Variants in MYO3B observed in about 807,000 individuals in gnomAD.
MYO3B encodes the protein myosin-IIIb.
A neutral mutation model predicts 174.6 loss-of-function variants in MYO3B; 156 were observed. The observed-to-expected ratio is 0.89, with a 90% confidence interval of 0.78 to 1.02. The LOEUF is 1.02. MYO3B is among the 50% of genes least tolerant of loss of function. MYO3B has a pLI of 0.00. For missense variants in MYO3B, 1,632 were observed against 1,639.4 expected (o/e 1.00, Z 0.08); for synonymous variants, 563 against 569.1 (o/e 0.99, Z 0.15).
intron 22 of MYO3B, among the ~76,000 whole-genome samples, chr2:170,436,669 C>T (rs2094756666): frequency 6.6e-6 from 1 of 152,192 alleles, no homozygotes; most frequent in South Asian, 2.1e-4. Context: ...AATCAAATGA[C>T]ACTGTAGGTA....
intron 7 of MYO3B, among the ~76,000 whole-genome samples, chr2:170,242,307 T>C (rs955359868): frequency 1.3e-5 from 2 of 152,164 alleles, no homozygotes; most frequent in South Asian, 4.1e-4. Flanking sequence ...GTTTTATGTA[T>C]CTTTTTCTTT....
intron 3 of MYO3B, among the ~76,000 whole-genome samples, chr2:170,209,661 A>G (rs1321063218): frequency 6.6e-6 from 1 of 152,210 alleles, no homozygotes; most frequent in Non-Finnish European, 1.5e-5. Flanking sequence ...GAATAAAAAA[A>G]TTGCCCAGGG....
At chr2:170,572,578 G>A (rs1208156571) in intron 32 of MYO3B, among the ~76,000 whole-genome samples, 7 of 147,426 alleles carry the variant, frequency 4.7e-5, no homozygotes, top group African/African-American at 1.7e-4. Flanking sequence ...TTGCACCACT[G>A]CACTCCAGCC....
At chr2:170,341,214 C>T (rs1425475583) in intron 8 of MYO3B, 4 of 152,222 alleles carry the variant, frequency 2.6e-5, no homozygotes, top group Non-Finnish European at 5.9e-5. Flanking sequence ...GTTTGCTTGA[C>T]ATTGATTGTA....
chr2:170,264,698 C>T (rs1294858827), intron 7 of MYO3B, among the ~76,000 whole-genome samples: 2 of 151,962 alleles, frequency 1.3e-5, no homozygotes, highest in Admixed American at 6.6e-5. Flanking sequence ...AGTAGTTGCT[C>T]AATAAATAAT....
intron 7 of MYO3B, among the ~76,000 whole-genome samples, chr2:170,273,338 C>G (rs1043229459): frequency 6.6e-6 from 1 of 152,206 alleles, no homozygotes; most frequent in African/African-American, 2.4e-5. Context: ...TGCTGAGACC[C>G]TGGGTCCTTG....
Position 170,299,157 on chromosome 2 carries a change from C to T in MYO3B, c.750-36228C>T, listed in dbSNP as rs972778174. Among the ~76,000 whole-genome samples the T allele has an allele frequency of 3.3e-5, 5 of 152,258 alleles. No homozygotes were observed. The South Asian group carries it at 8.3e-4, about 25-fold the overall frequency. On this transcript the variant is annotated intron_variant, in intron 7 of 34. Coordinates refer to ENST00000408978, the MANE Select transcript of MYO3B (RefSeq NM_138995.5). Reference sequence around the variant, plus strand: ...GCTTTGGAACAACACTACTATTTTTCATTTATCTATTGCTTCCCCTACTAG... The same window carrying T: ...GCTTTGGAACAACACTACTATTTTTTATTTATCTATTGCTTCCCCTACTAG...
chr2:170,411,579 G>A (rs1382707512), intron 22 of MYO3B: 1 of 152,238 alleles, frequency 6.6e-6, no homozygotes, highest in African/African-American at 2.4e-5. Flanking sequence ...CATGGCGCAT[G>A]ACACTACTGG....
chr2:170,468,908 C>G (rs1409223674), intron 25 of MYO3B, among the ~76,000 whole-genome samples: 1 of 152,036 alleles, frequency 6.6e-6, no homozygotes, highest in East Asian at 1.9e-4. Context: ...CACCTGTAAT[C>G]CTAGCACTTT....
chr2:170,642,101 A>G (rs1698016872), intron 32 of MYO3B, among the ~76,000 whole-genome samples: 1 of 152,100 alleles, frequency 6.6e-6, no homozygotes, highest in Non-Finnish European at 1.5e-5. Flanking sequence ...CTGGACAAAA[A>G]CATCCCAATT....
At chr2:170,549,217 A>ATACCTCACCTAAGAGG (rs1288362458) in intron 32 of MYO3B, among the ~76,000 whole-genome samples, 5 of 152,190 alleles carry the variant, frequency 3.3e-5, no homozygotes, top group Admixed American at 1.3e-4. Flanking sequence ...GTTTTCTTTT[A>ATACCTCACCTAAGAGG]TACCTCACCT....
At chr2:170,200,721 T>C (rs993557424) in intron 3 of MYO3B, among the ~76,000 whole-genome samples, 1 of 152,108 alleles carries the variant, frequency 6.6e-6, no homozygotes, top group Admixed American at 6.5e-5. Context: ...GAGAATTGTG[T>C]ATGGAAAGTT....
chr2:170,385,889 C>A (rs62170827), intron 12 of MYO3B: 13,727 of 187,922 alleles, frequency 0.073, 569 homozygotes, highest in Non-Finnish European at 0.088. Flanking sequence ...GATGAACCTG[C>A]ATAAAAATAT....
chr2:170,446,207 C>T (rs921550056), intron 23 of MYO3B, among the ~76,000 whole-genome samples: 1 of 152,192 alleles, frequency 6.6e-6, no homozygotes, highest in African/African-American at 2.4e-5. Context: ...TAGGCAAATC[C>T]TCAGATAATG....
intron 1 of MYO3B, among the ~76,000 whole-genome samples, chr2:170,190,145 G>C (rs1007213499): frequency 2.6e-5 from 4 of 152,140 alleles, no homozygotes; most frequent in Non-Finnish European, 5.9e-5. Flanking sequence ...GGAATTCTCT[G>C]GATTGCCAGG....
intron 22 of MYO3B, among the ~76,000 whole-genome samples, chr2:170,414,745 A>G (rs1402140511): frequency 6.6e-6 from 1 of 152,148 alleles, no homozygotes; most frequent in African/African-American, 2.4e-5. Context: ...ATCTTCTTTG[A>G]TTTATTTAAT....
intron 7 of MYO3B, among the ~76,000 whole-genome samples, chr2:170,253,322 A>G (rs1266100656): frequency 6.6e-6 from 1 of 152,116 alleles, no homozygotes; most frequent in African/African-American, 2.4e-5. Flanking sequence ...CTTACTGAAA[A>G]TCTCAAGATT....
intron 23 of MYO3B, among the ~76,000 whole-genome samples, chr2:170,462,231 C>T (rs945030829): frequency 3.9e-5 from 6 of 152,182 alleles, no homozygotes; most frequent in African/African-American, 1.4e-4. Context: ...TGGCATCGGC[C>T]GTGCAGCTCA....
intron 32 of MYO3B, among the ~76,000 whole-genome samples, chr2:170,563,622 A>G (rs1368918712): frequency 6.6e-6 from 1 of 152,206 alleles, no homozygotes; most frequent in Non-Finnish European, 1.5e-5. Context: ...TCAGAAACAC[A>G]TACTGAAATA....
Sources: allele counts gnomAD v4.1 joint callset (sites outside exome capture counted in the v4.1 genomes callset), GRCh38; gene constraint gnomAD v4.1.1; transcripts MANE v1.5; gene names NCBI Gene and HGNC (gene_info 2026-07-23, HGNC 2026-07-21).